The following PAPPA variants were observed in gnomAD, a reference collection of about 807,000 sequenced individuals.
PAPPA encodes pappalysin-1.
PAPPA carries 60 observed loss-of-function variants against 164.0 expected under a neutral mutation model. The ratio of observed to expected loss-of-function variants is 0.37; its 90% CI spans 0.30 to 0.45. PAPPA has a LOEUF of 0.45. Among genes scored for constraint, PAPPA ranks in the 20% least tolerant of loss-of-function variants. PAPPA has a pLI of 1.00. For synonymous variants in PAPPA, 875 were observed against 814.1 expected, an observed-to-expected ratio of 1.07 and a Z score of -1.27; for missense variants, 1,782 against 2,087.3, an observed-to-expected ratio of 0.85 and a Z score of 2.85.
chr9:116,259,811 C>T (rs538095813), intron 7 of PAPPA, among the ~76,000 whole-genome samples: 1 of 152,218 alleles, frequency 6.6e-6, no homozygotes, highest in Non-Finnish European at 1.5e-5. Context: ...TCAGAAAACT[C>T]TTGCTATGTG....
intron 1 of PAPPA, among the ~76,000 whole-genome samples, chr9:116,180,088 G>T (rs532903135): frequency 2.0e-5 from 3 of 152,120 alleles, no homozygotes; most frequent in South Asian, 2.1e-4. Context: ...TACATCTCCC[G>T]CAGGGGGAAC....
intron 3 of PAPPA, among the ~76,000 whole-genome samples, chr9:116,210,621 G>T (rs1418311280): frequency 6.6e-6 from 1 of 152,104 alleles, no homozygotes; most frequent in African/African-American, 2.4e-5. Context: ...AATGAACACA[G>T]CACAAATACT....
chr9:116,391,074 G>A (rs538530905), intron 21 of PAPPA, among the ~76,000 whole-genome samples: 19 of 152,240 alleles, frequency 1.2e-4, no homozygotes, highest in African/African-American at 4.1e-4. Context: ...CAGCAACAGG[G>A]CAAAGACTCA....
Position 116,271,238 on chromosome 9 carries a change from G to A in PAPPA, c.2862-87G>A. ...GGATTTGTGCAAGGTCTCACTGAAG[G>A]TTCATGGCCCAGGGAGGGACTTTTC... On this transcript the variant is annotated intron_variant, in intron 8 of 21. Transcript: ENST00000328252. This position sits in a 1 kb window ranked among gnomAD's most constrained non-coding sequence, Gnocchi z 4.2. The A allele has an allele frequency of 1.2e-6, 1 of 839,848 alleles. No homozygotes were observed. The highest frequency in any genetic ancestry group is 2.1e-6 in the Non-Finnish European group (1 of 486,542). The allele number at this position is 839,848 out of a possible 1,614,324, so 52.0% of individuals were successfully genotyped here.
chr9:116,367,591 G>A (rs1588022842), intron 18 of PAPPA, 54 bp from the exon 19 acceptor site: 2 of 1,323,292 alleles, frequency 1.5e-6, no homozygotes, highest in East Asian at 4.9e-5. Flanking sequence ...AGGGCAGTTT[G>A]CAGATGTTGA....
At chr9:116,178,546 C>T (rs1006037645) in intron 1 of PAPPA, among the ~76,000 whole-genome samples, 5 of 152,312 alleles carry the variant, frequency 3.3e-5, no homozygotes, top group African/African-American at 1.2e-4. Context: ...TATCAGTTTA[C>T]ATATGAGGAA....
In PAPPA at chr9:116,382,379, C is replaced by T. The variant is rs770044936; in HGVS notation, c.4678-16C>T. The T allele has an allele frequency of 1.8e-5, 29 of 1,567,628 alleles. No individual in the cohort carries two copies. The Admixed American group carries it at 4.7e-4, about 25-fold the overall frequency. ...GCTAACAAGGCCTCATTTCCTCCTT[C>T]TGTCTCCCTTTCCAGCCCTTCATGG... is the stretch of plus-strand genomic sequence containing the variant. On this transcript the variant is annotated splice_polypyrimidine_tract_variant and intron_variant, in intron 20 of 21. Coordinates refer to ENST00000328252, the MANE Select transcript of PAPPA (RefSeq NM_002581.5).
At chr9:116,394,249 G>C (rs1255015563) in intron 21 of PAPPA, among the ~76,000 whole-genome samples, 1 of 152,146 alleles carries the variant, frequency 6.6e-6, no homozygotes, top group African/African-American at 2.4e-5. Context: ...GGAGAAATCT[G>C]ATTCAGCATA....
chr9:116,373,185 A>G (rs1347874428), intron 19 of PAPPA: 1 of 152,194 alleles, frequency 6.6e-6, no homozygotes, highest in Non-Finnish European at 1.5e-5. Context: ...AAGCCCATAG[A>G]CAAAGAGATG....
At chr9:116,217,597 T>G (rs1342512242) in intron 4 of PAPPA, among the ~76,000 whole-genome samples, 3 of 152,100 alleles carry the variant, frequency 2.0e-5, no homozygotes, top group Non-Finnish European at 4.4e-5. Context: ...TATCCTGAAT[T>G]TTTTTCCTGC....
intron 6 of PAPPA, among the ~76,000 whole-genome samples, chr9:116,231,080 T>C (rs1348782794): frequency 1.3e-5 from 2 of 151,920 alleles, no homozygotes; most frequent in Non-Finnish European, 2.9e-5. Context: ...GCAGTGTATA[T>C]ATATATAGAT....
intron 1 of PAPPA, among the ~76,000 whole-genome samples, chr9:116,182,783 A>G (rs967603658): frequency 3.3e-5 from 5 of 152,184 alleles, no homozygotes; most frequent in Admixed American, 3.3e-4. Flanking sequence ...GCCTAGCTGC[A>G]GGAAGATAGG....
At chr9:116,361,477 A>G (rs1355842451) in intron 17 of PAPPA, among the ~76,000 whole-genome samples, 1 of 152,148 alleles carries the variant, frequency 6.6e-6, no homozygotes, top group Non-Finnish European at 1.5e-5. Context: ...TTAGAACCAC[A>G]ACAGGCTCTC....
Position 116,374,164 on chromosome 9 carries a change from G to C in PAPPA, c.4606-3412G>C, listed in dbSNP as rs933085085. On this transcript the variant is annotated intron_variant, in intron 19 of 21. Transcript: ENST00000328252. ...GCAGATGATGGTGGTAGTGTTGGTG[G>C]TGGTGTTGATGATGATGATGGTGGT... Among the ~76,000 whole-genome samples, 5 of 146,662 alleles carry C rather than the reference G, an allele frequency of 3.4e-5. 1 individual carries two copies. The highest frequency in any genetic ancestry group is 2.8e-4 in the Admixed American group (4 of 14,390).
chr9:116,355,541 G>A (rs1016554019), intron 17 of PAPPA, among the ~76,000 whole-genome samples: 2 of 152,140 alleles, frequency 1.3e-5, no homozygotes, highest in South Asian at 2.1e-4. Flanking sequence ...AGCCAGTACC[G>A]GAACAAACAA....
At chr9:116,385,543 A>G (rs1846798437) in intron 21 of PAPPA, among the ~76,000 whole-genome samples, 2 of 152,160 alleles carry the variant, frequency 1.3e-5, no homozygotes, top group African/African-American at 4.8e-5. Context: ...CCAGTGCAGC[A>G]ATTTCAGACT....
chr9:116,247,671 A>G (rs1844812759), intron 7 of PAPPA, among the ~76,000 whole-genome samples: 1 of 152,172 alleles, frequency 6.6e-6, no homozygotes, highest in Admixed American at 6.6e-5. Flanking sequence ...AGAATGGAGG[A>G]ATTTATCTCA....
chr9:116,281,856 C>T (rs184878439), intron 9 of PAPPA, among the ~76,000 whole-genome samples: 38 of 152,302 alleles, frequency 2.5e-4, no homozygotes, highest in Admixed American at 7.2e-4. Flanking sequence ...TAACCATCCT[C>T]TTGATTTTCC....
At chr9:116,379,183 A>C (rs1358773858) in intron 20 of PAPPA, among the ~76,000 whole-genome samples, 2 of 152,162 alleles carry the variant, frequency 1.3e-5, no homozygotes, top group East Asian at 3.9e-4. Flanking sequence ...CCTGCCAGTG[A>C]TGTTTATCAC....
Sources: gnomAD v4.1 joint callset for allele counts (sites outside exome capture counted in the v4.1 genomes callset) on GRCh38, gnomAD v4.1.1 for gene constraint, Gnocchi (gnomAD v3.1) non-coding constraint, MANE v1.5 for transcripts, NCBI Gene and HGNC (gene_info 2026-07-23, HGNC 2026-07-21) for gene names.